ZXDC: variants seen among roughly 807,000 people sequenced by gnomAD.
ZXDC encodes the protein ZXD family zinc finger C.
ZXDC carries 58 observed loss-of-function variants against 63.6 expected under a neutral mutation model. The ratio of observed to expected loss-of-function variants is 0.91; its 90% CI spans 0.74 to 1.13. The LOEUF is 1.13. ZXDC is among the 50% of genes most tolerant of loss of function. The pLI, the probability that ZXDC is intolerant of heterozygous loss-of-function variation, is 0.00. For missense variants in ZXDC, 1,133 were observed against 1,148.9 expected, an observed-to-expected ratio of 0.99 and a Z score of 0.20; for synonymous variants, 561 against 496.1, an observed-to-expected ratio of 1.13 and a Z score of -1.74.
At chr3:126,474,925 C>G (rs1023339646) in intron 1 of ZXDC, 34 bp downstream of exon 1, 2 of 1,530,662 alleles carry the variant, frequency 1.3e-6, no homozygotes, top group Non-Finnish European at 8.8e-7. Flanking sequence ...CCTGCAACAC[C>G]GCGCAGCCCG....
At chr3:126,458,269 C>A (rs1450374038) in intron 7 of ZXDC, among the ~76,000 whole-genome samples, 1 of 140,486 alleles carries the variant, frequency 7.1e-6, no homozygotes, top group African/African-American at 2.7e-5. Flanking sequence ...TGGAGTCTCA[C>A]TCTGTCACCC....
At chr3:126,451,652 C>T (rs1934103220) in intron 7 of ZXDC, 1 of 985,318 alleles carries the variant, frequency 1.0e-6, no homozygotes, top group Non-Finnish European at 1.2e-6. Context: ...ACCTGGCCCT[C>T]AGTCAGATCT....
intron 4 of ZXDC, among the ~76,000 whole-genome samples, chr3:126,469,246 T>G (rs1382481955): frequency 6.6e-6 from 1 of 152,200 alleles, no homozygotes; most frequent in Non-Finnish European, 1.5e-5. Context: ...TTTGAGAATT[T>G]CATCCACTTT....
chr3:126,439,609 A>G, intron 9 of ZXDC, 23 bp downstream of exon 9: 1 of 1,551,666 alleles, frequency 6.4e-7, no homozygotes, highest in Non-Finnish European at 8.7e-7. Context: ...TAAGAAAAAC[A>G]AAGGGCAGTA....
intron 7 of ZXDC, chr3:126,452,259 AC>A (rs1934135420): frequency 1.0e-6 from 1 of 985,302 alleles, no homozygotes; most frequent in South Asian, 4.7e-5. Flanking sequence ...GTTTTCTTAG[AC>A]GTTCTTGTCC....
intron 7 of ZXDC, chr3:126,457,673 C>A: frequency 2.0e-6 from 2 of 984,348 alleles, no homozygotes; most frequent in Non-Finnish European, 2.4e-6. Flanking sequence ...GGTAAAAAAA[C>A]GAGAAGCTGC....
Position 126,470,967 on chromosome 3 carries a change from T to A in ZXDC, c.1198A>T (p.Thr400Ser). The A allele has an allele frequency of 1.9e-6, 3 of 1,614,226 alleles. No homozygotes were observed. The highest frequency in any genetic ancestry group is 2.5e-6 in the Non-Finnish European group (3 of 1,180,042). The change falls in exon 4 of 10, where the codon ACC (threonine) becomes TCC (serine). Residue 400 changes from threonine (T) to serine (S), a missense_variant. By Grantham distance (58) the Thr-to-Ser change is moderately conservative. Transcript: ENST00000389709. ...CPVEGCGKSF[T>S]RAEHLKGHSI... ...TGGCCTTTCAGATGCTCTGCTCTGG[T>A]GAATGATTTCCCACAGCCCTCGACA...
At chr3:126,449,121 A>G (rs1429584609) in intron 7 of ZXDC, among the ~76,000 whole-genome samples, 1 of 151,970 alleles carries the variant, frequency 6.6e-6, no homozygotes, top group African/African-American at 2.4e-5. Context: ...AACCACATAC[A>G]CACAAAGCCC....
chr3:126,451,321 A>C, intron 7 of ZXDC: 1 of 985,410 alleles, frequency 1.0e-6, no homozygotes, highest in South Asian at 4.7e-5. Flanking sequence ...TTTCTTACAA[A>C]TATGAACTTA....
intron 5 of ZXDC, 72 bp from the exon 6 acceptor site, chr3:126,462,292 A>G (rs1426192672): frequency 2.1e-5 from 32 of 1,505,974 alleles, no homozygotes; most frequent in Non-Finnish European, 2.8e-5. Flanking sequence ...TATGCCCATG[A>G]TGTTACCGAG....
At chr3:126,466,470 A>G (rs931772673) in intron 4 of ZXDC, 145 bp from the exon 5 acceptor site, 2 of 836,794 alleles carry the variant, frequency 2.4e-6, no homozygotes, top group East Asian at 2.7e-5. Flanking sequence ...TATCTCTAGA[A>G]GTAGCATCAC....
At chr3:126,440,576 G>C (rs1933638445) in intron 8 of ZXDC, 1 of 986,030 alleles carries the variant, frequency 1.0e-6, no homozygotes, top group African/African-American at 1.7e-5. Context: ...CTCTGGTCCT[G>C]ACTCTGTACC....
chr3:126,445,343 T>C (rs550338261), intron 7 of ZXDC, among the ~76,000 whole-genome samples: 46 of 152,034 alleles, frequency 3.0e-4, no homozygotes, highest in Non-Finnish European at 4.6e-4. Context: ...ATCCCCTCTC[T>C]GATGTACCTC....
At position 126,461,896 on chromosome 3, in the gene ZXDC, G is replaced by A. The variant is rs201568688; in HGVS notation, c.1766C>T (p.Thr589Met). Residue 589 changes from threonine (T) to methionine (M), a missense_variant, in exon 6 of 10, where the codon ACG (threonine) becomes ATG (methionine). Physicochemically the swap from Thr to Met is moderately conservative, Grantham distance 81 (BLOSUM62 -1). Transcript: ENST00000389709. Reference sequence around the variant, plus strand: ...ACTGAAGCTGCCCTGCTGCAGAACCGTGGCTGCTGTCCCGAGAACCAGAGG... The same window carrying A: ...ACTGAAGCTGCCCTGCTGCAGAACCATGGCTGCTGTCCCGAGAACCAGAGG... The part of the protein sequence containing the change: ...DSPLVLGTAA[T>M]VLQQGSFSVD... 29 of 1,614,214 alleles carry A rather than the reference G, an allele frequency of 1.8e-5. No individual in the cohort carries two copies. The Admixed American group carries it at 4.2e-4, about 23-fold the overall frequency.
intron 7 of ZXDC, among the ~76,000 whole-genome samples, chr3:126,450,063 T>C (rs1475988760): frequency 6.6e-6 from 1 of 151,994 alleles, no homozygotes; most frequent in East Asian, 1.9e-4. Flanking sequence ...CCTGAGACAG[T>C]CATCAAAACC....
rs1251916674 is a variant in ZXDC, at chr3:126,462,278, T to C, written c.1442-58A>G. On this transcript the variant is annotated intron_variant, in intron 5 of 9. Transcript: ENST00000389709. ...TATGACCTTGAAGACTGAGTACTTT[T>C]GTTTATGCCCATGATGTTACCGAGT... 9 of 1,521,684 alleles carry C rather than the reference T, an allele frequency of 5.9e-6. No homozygotes were observed. In the Admixed American group the frequency reaches 1.2e-4, roughly 21 times the overall value. 94.3% of individuals were successfully genotyped at this position (1,521,684 alleles called of 1,614,324 possible). A position where few individuals can be genotyped will look rare whatever the true frequency, so the allele number is the denominator to read the frequency against.
intron 4 of ZXDC, among the ~76,000 whole-genome samples, chr3:126,468,727 C>A (rs1476965330): frequency 6.6e-6 from 1 of 152,166 alleles, no homozygotes; most frequent in Non-Finnish European, 1.5e-5. Context: ...CCTGAGTGAC[C>A]CACGGAACCT....
At chr3:126,468,201 G>A (rs571614882) in intron 4 of ZXDC, among the ~76,000 whole-genome samples, 18 of 151,868 alleles carry the variant, frequency 1.2e-4, no homozygotes, top group Non-Finnish European at 2.2e-4. Flanking sequence ...CACAAGGCTC[G>A]GCAACACGAG....
At chr3:126,465,228 C>T (rs148286644) in intron 5 of ZXDC, among the ~76,000 whole-genome samples, 3 of 152,368 alleles carry the variant, frequency 2.0e-5, no homozygotes, top group East Asian at 1.9e-4. Flanking sequence ...GAGCGACAAC[C>T]GCACCAGGGC....
Sources: gnomAD v4.1 joint callset for allele counts (sites outside exome capture counted in the v4.1 genomes callset) on GRCh38, gnomAD v4.1.1 for gene constraint, MANE v1.5 for transcripts, NCBI Gene and HGNC (gene_info 2026-07-23, HGNC 2026-07-21) for gene names.